CCL17: variants seen among roughly 807,000 people sequenced by gnomAD.
CCL17 encodes the protein C-C motif chemokine ligand 17, also known as C-C motif chemokine 17.
In CCL17, 8 loss-of-function variants were observed where a neutral mutation model predicts 7.4. That is an observed-to-expected ratio of 1.09 (90% CI 0.64 to 1.96). The LOEUF (loss-of-function observed/expected upper bound fraction) is 1.96. Ranked by LOEUF, CCL17 falls within the 30% of genes most tolerant of loss-of-function variation. The pLI is 0.00. For missense variants in CCL17, 102 were observed against 113.0 expected (o/e 0.90, Z 0.44); for synonymous variants, 40 against 46.1 (o/e 0.87, Z 0.54).
upstream of CCL17, among the ~76,000 whole-genome samples, chr16:57,404,114 T>G (rs1241398963): frequency 6.6e-6 from 1 of 151,696 alleles, no homozygotes; most frequent in Non-Finnish European, 1.5e-5. Flanking sequence ...TGGGGCAGAG[T>G]GAACCAGGGA....
the CCL17 span, among the ~76,000 whole-genome samples, chr16:57,399,299 A>C: frequency 6.6e-6 from 1 of 152,192 alleles, no homozygotes. Flanking sequence ...AATCCCATCC[A>C]CATGGCTGGG....
chr16:57,409,573 A>C (rs1226279882), intron 1 of CCL17, among the ~76,000 whole-genome samples: 1 of 152,166 alleles, frequency 6.6e-6, no homozygotes, highest in African/African-American at 2.4e-5. Flanking sequence ...AAGCTGGGGC[A>C]TGAGTTCACG....
chr16:57,413,896 C>T lies in CCL17; in HGVS notation c.-37C>T, dbSNP rs775010092. ...CAGGGTGTCTCCCTGAGCAGAGGGA[C>T]CTGCACACAGAGACTCCCTCCTGGG... On this transcript the variant is annotated 5_prime_UTR_variant, in exon 2 of 4. Transcript: ENST00000219244. The T allele has an allele frequency of 1.6e-5, 25 of 1,565,948 alleles. No individual in the cohort carries two copies. In the South Asian group the frequency reaches 2.8e-4, roughly 17 times the overall value.
At chr16:57,398,778 C>T in the CCL17 span, among the ~76,000 whole-genome samples, 1 of 152,202 alleles carries the variant, frequency 6.6e-6, no homozygotes, top group African/African-American at 2.4e-5. Context: ...CTAGAGTAGC[C>T]TGCTGGCATG....
rs561153052 is a variant in CCL17 at position 57,415,957 on chromosome 16, G to A, written c.*96G>A. 1 of 772,394 alleles carries A rather than the reference G, an allele frequency of 1.3e-6. No homozygotes were observed. The highest frequency in any genetic ancestry group is 1.5e-5 in the South Asian group (1 of 65,834). The allele number at this position is 772,394 out of a possible 1,614,324, so 47.8% of individuals were successfully genotyped here. The stretch of plus-strand genomic sequence containing the variant: ...CCCCACCCTGAGCGCCTGGGTCCAG[G>A]GGAGGCCTTCCAGGGACGAAGAAGA... On this transcript the variant is annotated 3_prime_UTR_variant, in exon 4 of 4. Transcript: ENST00000219244. This position sits in a 1 kb window ranked among gnomAD's most constrained non-coding sequence, Gnocchi z 4.5.
At chr16:57,414,686 G>A (rs1346531843) in intron 2 of CCL17, among the ~76,000 whole-genome samples, 2 of 151,968 alleles carry the variant, frequency 1.3e-5, no homozygotes, top group Non-Finnish European at 2.9e-5. Flanking sequence ...CATGAGCCAC[G>A]GCGCCCAGAC....
upstream of CCL17, among the ~76,000 whole-genome samples, chr16:57,400,899 C>A (rs770105042): frequency 6.6e-6 from 1 of 151,336 alleles, no homozygotes; most frequent in Non-Finnish European, 1.5e-5. Flanking sequence ...ATCCTGGAGA[C>A]AGAAGTTGCA....
chr16:57,410,666 C>T (rs1157102931), intron 1 of CCL17, among the ~76,000 whole-genome samples: 1 of 152,154 alleles, frequency 6.6e-6, no homozygotes, highest in Non-Finnish European at 1.5e-5. Context: ...TCTGGAAGTT[C>T]CCTTGGCATC....
chr16:57,414,034 G>A (rs1017327255), intron 2 of CCL17, 32 bp downstream of exon 2: 1 of 1,586,710 alleles, frequency 6.3e-7, no homozygotes, highest in African/African-American at 1.3e-5. Context: ...CCAGGGGCAG[G>A]CACCGGGAGG....
At chr16:57,397,837 C>T in the CCL17 span, among the ~76,000 whole-genome samples, 1 of 152,230 alleles carries the variant, frequency 6.6e-6, no homozygotes, top group African/African-American at 2.4e-5. Flanking sequence ...GGGGAAAAGG[C>T]TTACTTTCAA....
upstream of CCL17, among the ~76,000 whole-genome samples, chr16:57,403,424 TA>T (rs1464219022): frequency 2.3e-3 from 36 of 15,920 alleles, 1 homozygote; most frequent in Non-Finnish European, 2.9e-3. Context: ...TATTATATTA[TA>T]ATATATATTA....
At chr16:57,412,271 C>A (rs1902796533) in intron 1 of CCL17, among the ~76,000 whole-genome samples, 1 of 152,194 alleles carries the variant, frequency 6.6e-6, no homozygotes, top group South Asian at 2.1e-4. Context: ...GGAAGCCCCA[C>A]TCCCAGGTGC....
At chr16:57,398,060 G>T in the CCL17 span, among the ~76,000 whole-genome samples, 1 of 152,100 alleles carries the variant, frequency 6.6e-6, no homozygotes, top group Non-Finnish European at 1.5e-5. Flanking sequence ...GCTGAGGGCC[G>T]CACAGGTGCA....
intron 1 of CCL17, among the ~76,000 whole-genome samples, chr16:57,408,733 T>C (rs910424871): frequency 4.9e-5 from 5 of 102,062 alleles, no homozygotes; most frequent in Non-Finnish European, 8.7e-5. Context: ...CACACCCAGC[T>C]AATTTTTTTT....
Position 57,413,874 on chromosome 16 carries a change from G to C in CCL17, c.-59G>C. On this transcript the variant is annotated splice_region_variant and 5_prime_UTR_variant, in exon 2 of 4. Coordinates refer to ENST00000219244, the MANE Select transcript of CCL17 (RefSeq NM_002987.3). ...CACTGCCACCCTCGACTCTCAGCAGGGTGTCTCCCTGAGCAGAGGGACCTG... is the reference window on the plus strand; with the variant it reads ...CACTGCCACCCTCGACTCTCAGCAGCGTGTCTCCCTGAGCAGAGGGACCTG... The C allele has an allele frequency of 6.7e-7, 1 of 1,484,050 alleles. No homozygotes were observed. The highest frequency in any genetic ancestry group is 9.2e-7 in the Non-Finnish European group (1 of 1,087,088). The allele number at this position is 1,484,050 out of a possible 1,614,324, so 91.9% of individuals were successfully genotyped here.
At chr16:57,399,218 A>G in the CCL17 span, among the ~76,000 whole-genome samples, 3 of 152,086 alleles carry the variant, frequency 2.0e-5, no homozygotes, top group African/African-American at 7.2e-5. Flanking sequence ...CCTGGTTCTC[A>G]CCTGGACCTG....
upstream of CCL17, among the ~76,000 whole-genome samples, chr16:57,401,967 T>C (rs1158153294): frequency 6.6e-6 from 1 of 152,136 alleles, no homozygotes; most frequent in Non-Finnish European, 1.5e-5. Flanking sequence ...CCTGAGACAG[T>C]GGAGAGAGCC....
intron 1 of CCL17, among the ~76,000 whole-genome samples, chr16:57,413,055 C>T (rs1417751199): frequency 6.6e-6 from 1 of 152,206 alleles, no homozygotes; most frequent in African/African-American, 2.4e-5. Context: ...TGGACCCTGA[C>T]CAGGCGTCCA....
chr16:57,414,812 GAC>G (rs1902842370), intron 2 of CCL17, among the ~76,000 whole-genome samples: 1 of 151,852 alleles, frequency 6.6e-6, no homozygotes, highest in Non-Finnish European at 1.5e-5. Context: ...GCACTCACAG[GAC>G]ACACAGAATC....
Sources: gnomAD v4.1 joint callset for allele counts (sites outside exome capture counted in the v4.1 genomes callset) on GRCh38, gnomAD v4.1.1 for gene constraint, Gnocchi (gnomAD v3.1) non-coding constraint, MANE v1.5 for transcripts, NCBI Gene and HGNC (gene_info 2026-07-23, HGNC 2026-07-21) for gene names.